The following CDHR2 variants were observed in gnomAD, a reference collection of about 807,000 sequenced individuals.
The protein encoded by CDHR2 is cadherin-related family member 2.
Under a neutral mutation model 138.6 loss-of-function variants are expected in CDHR2, and 104 were observed. The observed-to-expected ratio is 0.75, with a 90% CI of 0.64 to 0.88. The LOEUF (loss-of-function observed/expected upper bound fraction) is 0.88, where lower values mean the gene tolerates loss of function less well. CDHR2 is among the 40% of genes least tolerant of loss of function. The pLI, the probability that CDHR2 is intolerant of heterozygous loss-of-function variation, is 0.00. For missense variants in CDHR2, 1,624 were observed against 1,727.6 expected, an observed-to-expected ratio of 0.94 and a Z score of 1.06; for synonymous variants, 755 against 742.8, an observed-to-expected ratio of 1.02 and a Z score of -0.27.
intron 1 of CDHR2, 35 bp from the exon 2 acceptor site, chr5:176,565,303 G>T (rs768406177): frequency 2.0e-6 from 3 of 1,519,590 alleles, no homozygotes; most frequent in Admixed American, 3.3e-5. Context: ...AGGGAGGCCT[G>T]AGTCCAGGAG....
rs34447508 is a variant in CDHR2, at chr5:176,588,363, TTGTG to T, written c.2857-665_2857-662del. On this transcript the variant is annotated intron_variant, in intron 21 of 31. Transcript: ENST00000261944. Reference sequence around the variant, plus strand: ...GTGAATGTGTGTGAATTGAGTGTATTTGTGTGAGTGTGTGTGAATTGAGTGTGTG... The same window carrying T: ...GTGAATGTGTGTGAATTGAGTGTATTTGAGTGTGTGTGAATTGAGTGTGTG... 3.3e-5 allele frequency among the ~76,000 whole-genome samples: 5 copies of T among 150,714 alleles called. No homozygotes were observed. In the South Asian group the frequency reaches 6.3e-4, roughly 19 times the overall value.
intron 6 of CDHR2, among the ~76,000 whole-genome samples, chr5:176,572,062 A>G (rs1758247734): frequency 6.6e-6 from 1 of 151,974 alleles, no homozygotes; most frequent in African/African-American, 2.4e-5. Context: ...TCCTGGGGGA[A>G]GAGAGGCAAG....
intron 29 of CDHR2, 21 bp downstream of exon 29, chr5:176,591,344 A>G: frequency 6.2e-7 from 1 of 1,609,992 alleles, no homozygotes; most frequent in Non-Finnish European, 8.5e-7. Flanking sequence ...GTCAAAGGGT[A>G]GGTAAGAGGC....
intron 3 of CDHR2, 69 bp downstream of exon 3, chr5:176,565,812 T>A: frequency 8.2e-7 from 1 of 1,214,790 alleles, no homozygotes; most frequent in Non-Finnish European, 1.2e-6. Context: ...GGGTGCCCTC[T>A]GGAGCCCCCA....
intron 1 of CDHR2, among the ~76,000 whole-genome samples, chr5:176,561,929 C>A (rs938311984): frequency 6.6e-6 from 1 of 152,096 alleles, no homozygotes; most frequent in Non-Finnish European, 1.5e-5. Context: ...CATGAGCCAC[C>A]GCACCCAGCC....
At chr5:176,557,147 C>CTAGGACCA (rs1205482772) in intron 1 of CDHR2, among the ~76,000 whole-genome samples, 3 of 10,984 alleles carry the variant, frequency 2.7e-4, no homozygotes, top group Admixed American at 2.3e-3. Flanking sequence ...TCACGAGTAG[C>CTAGGACCA]TAGGACCACA....
Position 176,589,326 on chromosome 5 carries a change from G to A in CDHR2, c.3009-4G>A, listed in dbSNP as rs201746201. On this transcript the variant is annotated splice_region_variant and splice_polypyrimidine_tract_variant and intron_variant, in intron 22 of 31. Coordinates refer to ENST00000261944, the MANE Select transcript of CDHR2 (RefSeq NM_017675.6). Reference sequence around the variant, plus strand: ...GACTGACCTGCGCCTCCCGCCTTCCGCAGGCCGGTGACCAGCCTCGACTCC... The same window carrying A: ...GACTGACCTGCGCCTCCCGCCTTCCACAGGCCGGTGACCAGCCTCGACTCC... 7.1e-4 allele frequency: 1,103 copies of A among 1,554,290 alleles called. 5 individuals carry two copies. The highest frequency in any genetic ancestry group is 5.8e-4 in the Non-Finnish European group (670 of 1,149,244).
intron 6 of CDHR2, among the ~76,000 whole-genome samples, chr5:176,572,418 A>AAATAAT (rs1554142289): frequency 8.5e-6 from 1 of 117,200 alleles, no homozygotes; most frequent in South Asian, 3.1e-4. Flanking sequence ...AATAAATAAT[A>AAATAAT]AAAAAATTAA....
intron 21 of CDHR2, among the ~76,000 whole-genome samples, chr5:176,588,522 T>G (rs910053981): frequency 1.4e-5 from 2 of 142,146 alleles, no homozygotes; most frequent in East Asian, 4.2e-4. Context: ...TGTGCATGTG[T>G]GTGAGTGTGT....
chr5:176,588,186 C>T (rs550623178), intron 21 of CDHR2, among the ~76,000 whole-genome samples: 11 of 146,116 alleles, frequency 7.5e-5, no homozygotes, highest in African/African-American at 2.6e-4. Flanking sequence ...CTGAGCATCG[C>T]TGTGTGTGTG....
rs1447079926 is a variant in CDHR2, at chr5:176,553,781, TC to T, written c.-16+4369del. ...CACCTCCACCAGCGCCACCTGCGTCTCCACCTTCATCAGCACACACATCATC... is the reference window on the plus strand; with the variant it reads ...CACCTCCACCAGCGCCACCTGCGTCTCACCTTCATCAGCACACACATCATC... On this transcript the variant is annotated intron_variant, in intron 1 of 31. Transcript: ENST00000261944. The surrounding 1 kb of genome is among the most constrained non-coding windows in gnomAD (Gnocchi z 4.3). Among the ~76,000 whole-genome samples, 3 of 150,904 alleles carry T rather than the reference TC, an allele frequency of 2.0e-5. No individual in the cohort carries two copies. In the East Asian group the frequency reaches 5.9e-4, roughly 30 times the overall value.
At chr5:176,581,252 C>A in intron 16 of CDHR2, 91 bp from the exon 17 acceptor site, 14 of 1,526,278 alleles carry the variant, frequency 9.2e-6, no homozygotes, top group Non-Finnish European at 1.2e-5. Context: ...CCTGCGTGGG[C>A]CAGCGCTGGA....
chr5:176,549,341 C>T (rs963424808), upstream of CDHR2: 8 of 152,586 alleles, frequency 5.2e-5, no homozygotes, highest in African/African-American at 1.9e-4. Flanking sequence ...AGCTGCAGGC[C>T]GCAGAGGGTG....
intron 16 of CDHR2, among the ~76,000 whole-genome samples, chr5:176,578,965 G>A (rs1358435409): frequency 6.6e-6 from 1 of 152,180 alleles, no homozygotes; most frequent in Non-Finnish European, 1.5e-5. Flanking sequence ...GAAAATAAAG[G>A]TGGCATTTGT....
At position 176,553,669 on chromosome 5, in the gene CDHR2, T is replaced by A. The variant is rs1416989625; in HGVS notation, c.-16+4255T>A. Reference sequence around the variant, plus strand: ...GGCTGTTCCTTACACAATGGACACCTGCAGTCTAGCAGTACCGCTAATGCC... The same window carrying A: ...GGCTGTTCCTTACACAATGGACACCAGCAGTCTAGCAGTACCGCTAATGCC... On this transcript the variant is annotated intron_variant, in intron 1 of 31. Coordinates refer to ENST00000261944, the MANE Select transcript of CDHR2 (RefSeq NM_017675.6). This position sits in a 1 kb window ranked among gnomAD's most constrained non-coding sequence, Gnocchi z 4.3. Among the ~76,000 whole-genome samples the A allele has an allele frequency of 6.6e-6, 1 of 152,090 alleles. No individual in the cohort carries two copies. Among genetic ancestry groups the A allele is most frequent in the Non-Finnish European group, 1.5e-5 (1 of 67,998 alleles).
chr5:176,557,304 C>T (rs1361728110), intron 1 of CDHR2, among the ~76,000 whole-genome samples: 2 of 151,856 alleles, frequency 1.3e-5, no homozygotes, highest in Admixed American at 6.6e-5. Context: ...CTCCTGGGCT[C>T]GAGTGATCCT....
At chr5:176,577,287 C>T (rs1300767488) in intron 12 of CDHR2, 112 bp from the exon 13 acceptor site, 1 of 1,195,438 alleles carries the variant, frequency 8.4e-7, no homozygotes, top group African/African-American at 1.5e-5. Context: ...GAGCCCCCTT[C>T]CATGGGACCT....
At chr5:176,594,685 C>A (rs527310470) in intron 31 of CDHR2, among the ~76,000 whole-genome samples, 1 of 152,196 alleles carries the variant, frequency 6.6e-6, no homozygotes, top group Non-Finnish European at 1.5e-5. Flanking sequence ...TGGGGCCCCT[C>A]GGATGTTCCA....
At chr5:176,578,124 G>A (rs767578140) in intron 15 of CDHR2, 29 bp downstream of exon 15, 5 of 1,597,948 alleles carry the variant, frequency 3.1e-6, no homozygotes, top group East Asian at 2.3e-5. Flanking sequence ...CCGTAGGCAG[G>A]TGGGTGAGCA....
Sources: allele counts gnomAD v4.1 joint callset (sites outside exome capture counted in the v4.1 genomes callset), GRCh38; gene constraint gnomAD v4.1.1; non-coding constraint Gnocchi (gnomAD v3.1); transcripts MANE v1.5; gene names NCBI Gene and HGNC (gene_info 2026-07-23, HGNC 2026-07-21).